The following DENND5A variants were observed in gnomAD, a reference collection of about 807,000 sequenced individuals.
The protein encoded by DENND5A is DENN domain containing 5A, also known as DENN domain-containing protein 5A.
Under a neutral mutation model 140.3 loss-of-function variants are expected in DENND5A, and 64 were observed. The observed-to-expected ratio is 0.46, with a 90% CI of 0.37 to 0.56. The LOEUF (loss-of-function observed/expected upper bound fraction) is 0.56. Ranked by LOEUF, DENND5A falls within the 20% of genes least tolerant of loss-of-function variation. DENND5A has a pLI of 0.00. For synonymous variants in DENND5A, 605 were observed against 607.7 expected, an observed-to-expected ratio of 1.00 and a Z score of 0.07; for missense variants, 1,292 against 1,593.8, an observed-to-expected ratio of 0.81 and a Z score of 3.22.
At chr11:9,180,409 T>C (rs763077415) in intron 6 of DENND5A, among the ~76,000 whole-genome samples, 2 of 152,106 alleles carry the variant, frequency 1.3e-5, no homozygotes, top group Non-Finnish European at 2.9e-5. Context: ...GCCGTGACCG[T>C]GCCACCACAC....
chr11:9,176,550 G>A (rs1848550808), intron 8 of DENND5A, among the ~76,000 whole-genome samples: 1 of 152,294 alleles, frequency 6.6e-6, no homozygotes, highest in Admixed American at 6.5e-5. Flanking sequence ...AATGCCAGAA[G>A]AATGGGGGTA....
At chr11:9,162,233 C>CTTTTTTTTTTTTT (rs1221675349) in intron 11 of DENND5A, among the ~76,000 whole-genome samples, 1 of 97,334 alleles carries the variant, frequency 1.0e-5, no homozygotes, top group African/African-American at 3.9e-5. Flanking sequence ...CCAGTTCCTT[C>CTTTTTTTTTTTTT]TTTTTTTTTT....
intron 22 of DENND5A, among the ~76,000 whole-genome samples, chr11:9,141,087 T>C (rs188683033): frequency 6.5e-4 from 99 of 152,112 alleles, no homozygotes; most frequent in African/African-American, 2.3e-3. Context: ...GATCACACCA[T>C]TGCACTCCAG....
rs202034627 is a variant in DENND5A at position 9,206,675 on chromosome 11, T to C, written c.289A>G (p.Met97Val). 1 of 1,601,096 alleles carries C rather than the reference T, an allele frequency of 6.2e-7. No individual in the cohort carries two copies. Among genetic ancestry groups the C allele is most frequent in the East Asian group, 2.2e-5 (1 of 44,788 alleles). Residue 97 changes from methionine (M) to valine (V), a missense_variant and splice_region_variant, in exon 3 of 23, where the codon ATG (methionine) becomes GTG (valine). Physicochemically the swap from Met to Val is conservative, Grantham distance 21. Around this residue, in one of 4 missense-constraint regions of DENND5A, gnomAD observed 566 missense variants for 650.4 expected, o/e 0.87. Coordinates refer to ENST00000328194, the MANE Select transcript of DENND5A (RefSeq NM_015213.4). The stretch of plus-strand genomic sequence containing the variant: ...ACTTGTGGCTAACAAATACCAACCA[T>C]TCCTACTGCATCTTGGTCAAAGGGA... Reference protein sequence around the residue: ...WNPFDQDAVGMLCMPKGLAFK... With the variant: ...WNPFDQDAVGVLCMPKGLAFK...
chr11:9,150,231 G>T lies in DENND5A; in HGVS notation c.2607-22C>A. The T allele has an allele frequency of 3.1e-6, 5 of 1,611,440 alleles. No individual in the cohort carries two copies. In the South Asian group the frequency reaches 5.5e-5, roughly 18 times the overall value. ...GTGCCTGGAGGAAGAATGTAAAAAG[G>T]AAGTGGAGGGTGGGATGGGAGATGA... On this transcript the variant is annotated intron_variant, in intron 14 of 22. Coordinates refer to ENST00000328194, the MANE Select transcript of DENND5A (RefSeq NM_015213.4).
intron 5 of DENND5A, among the ~76,000 whole-genome samples, chr11:9,187,384 A>C (rs958113870): frequency 5.3e-5 from 8 of 152,154 alleles, no homozygotes; most frequent in African/African-American, 1.9e-4. Flanking sequence ...TGCCTTGTTG[A>C]GAGGGATGAT....
intron 16 of DENND5A, 153 bp downstream of exon 16, chr11:9,146,877 G>C (rs771857755): frequency 2.5e-5 from 20 of 792,904 alleles, no homozygotes; most frequent in Non-Finnish European, 3.7e-5. Context: ...CCTCCAAGGA[G>C]GGCAAGTGCA....
At chr11:9,192,932 A>G (rs1849187978) in intron 5 of DENND5A, among the ~76,000 whole-genome samples, 1 of 152,238 alleles carries the variant, frequency 6.6e-6, no homozygotes, top group Non-Finnish European at 1.5e-5. Context: ...TTTTAAATCA[A>G]TTCTTTTCTT....
At chr11:9,176,730 G>A (rs539974830) in intron 8 of DENND5A, 2 of 334,306 alleles carry the variant, frequency 6.0e-6, no homozygotes, top group African/African-American at 2.2e-5. Flanking sequence ...AGAAGGAAAT[G>A]TATCTGCTAG....
chr11:9,203,635 A>C, intron 4 of DENND5A, 25 bp downstream of exon 4: 1 of 1,584,202 alleles, frequency 6.3e-7, no homozygotes, highest in Non-Finnish European at 8.6e-7. Flanking sequence ...AGGCAGGCAG[A>C]AGGCTCTAGT....
chr11:9,141,114 G>A (rs998692469), intron 22 of DENND5A, among the ~76,000 whole-genome samples: 8 of 151,554 alleles, frequency 5.3e-5, no homozygotes, highest in African/African-American at 1.5e-4. Flanking sequence ...CAACAAGAGC[G>A]AAACTCCATC....
At chr11:9,224,892 C>T (rs1230704522) in intron 1 of DENND5A, among the ~76,000 whole-genome samples, 4 of 150,988 alleles carry the variant, frequency 2.6e-5, no homozygotes, top group African/African-American at 9.8e-5. Context: ...AGTATCCCAA[C>T]GTTTTCATTT....
At chr11:9,229,300 G>GA (rs1052801117) in intron 1 of DENND5A, among the ~76,000 whole-genome samples, 16 of 152,100 alleles carry the variant, frequency 1.1e-4, no homozygotes, top group South Asian at 2.1e-4. Context: ...CAAATGTGGG[G>GA]AAAAAACCAC....
At chr11:9,250,818 G>C (rs1287342057) in intron 1 of DENND5A, among the ~76,000 whole-genome samples, 1 of 152,036 alleles carries the variant, frequency 6.6e-6, no homozygotes, top group Non-Finnish European at 1.5e-5. Context: ...ACATTGTTTG[G>C]CCAACTGGAA....
intron 1 of DENND5A, among the ~76,000 whole-genome samples, chr11:9,258,627 T>C (rs1423593968): frequency 6.6e-6 from 1 of 152,134 alleles, no homozygotes; most frequent in Non-Finnish European, 1.5e-5. Flanking sequence ...CCATAACGTC[T>C]GTTCCTGCCC....
At chr11:9,163,134 TACTG>T (rs1848047298) in intron 11 of DENND5A, among the ~76,000 whole-genome samples, 1 of 152,218 alleles carries the variant, frequency 6.6e-6, no homozygotes, top group East Asian at 1.9e-4. Context: ...TTAATTCTCT[TACTG>T]ATTGGCTTTC....
intron 4 of DENND5A, among the ~76,000 whole-genome samples, chr11:9,194,475 G>T (rs1342244519): frequency 6.6e-6 from 1 of 151,364 alleles, no homozygotes; most frequent in Non-Finnish European, 1.5e-5. Flanking sequence ...AGGCTGAGAC[G>T]TAAGAATTGC....
At chr11:9,200,328 C>T (rs1849481380) in intron 4 of DENND5A, among the ~76,000 whole-genome samples, 1 of 152,138 alleles carries the variant, frequency 6.6e-6, no homozygotes, top group South Asian at 2.1e-4. Context: ...TATGAAGCTC[C>T]AGCCAAGAAA....
rs550811215 is a variant in DENND5A at position 9,139,606 on chromosome 11, G to C, written c.*65C>G. 6.6e-7 allele frequency: 1 copy of C among 1,506,446 alleles called. No individual in the cohort carries two copies. The highest frequency in any genetic ancestry group is 1.2e-5 in the South Asian group (1 of 81,716). The allele number at this position is 1,506,446 out of a possible 1,614,324, so 93.3% of individuals were successfully genotyped here. On this transcript the variant is annotated 3_prime_UTR_variant, in exon 23 of 23. Coordinates refer to ENST00000328194, the MANE Select transcript of DENND5A (RefSeq NM_015213.4). ...CCTGCACAATCGCTTAAGTCCCTTT[G>C]GGAAAAAAGGTCAGAGCTGCAGGGT...
Sources: allele counts gnomAD v4.1 joint callset (sites outside exome capture counted in the v4.1 genomes callset), GRCh38; gene constraint gnomAD v4.1.1; regional missense constraint gnomAD v4.1.1; transcripts MANE v1.5; gene names NCBI Gene and HGNC (gene_info 2026-07-23, HGNC 2026-07-21).